Variants in SYNRG observed in about 807,000 individuals in gnomAD.
The protein encoded by SYNRG is AP1 gamma subunit binding protein 1.
A neutral mutation model predicts 130.9 loss-of-function variants in SYNRG; 37 were observed. That is an observed-to-expected ratio of 0.28 (90% CI 0.22 to 0.37). The LOEUF is 0.37. SYNRG is among the 10% of genes least tolerant of loss of function. The pLI is 1.00. For missense variants in SYNRG, 1,338 were observed against 1,588.9 expected, an observed-to-expected ratio of 0.84 and a Z score of 2.68; for synonymous variants, 539 against 568.1, an observed-to-expected ratio of 0.95 and a Z score of 0.73.
At chr17:37,600,739 G>A in intron 1 of SYNRG, 1 of 395,168 alleles carries the variant, frequency 2.5e-6, no homozygotes. Flanking sequence ...TCAACTACAT[G>A]AAATGATGGA....
intron 1 of SYNRG, among the ~76,000 whole-genome samples, chr17:37,606,502 T>C (rs924539764): frequency 3.3e-5 from 5 of 152,256 alleles, no homozygotes; most frequent in African/African-American, 1.2e-4. Flanking sequence ...GTACCACAGT[T>C]ATTTTGTACA....
chr17:37,562,600 A>C (rs1394806171), intron 11 of SYNRG, among the ~76,000 whole-genome samples: 1 of 152,226 alleles, frequency 6.6e-6, no homozygotes, highest in East Asian at 1.9e-4. Flanking sequence ...GCTTACAAGC[A>C]AGGTAAAAAC....
intron 13 of SYNRG, among the ~76,000 whole-genome samples, chr17:37,558,370 A>G (rs895290487): frequency 3.9e-5 from 6 of 152,358 alleles, no homozygotes; most frequent in Admixed American, 3.9e-4. Flanking sequence ...ACGTAAAGAT[A>G]GAATGTGGTA....
chr17:37,595,178 G>A (rs1411559281), intron 3 of SYNRG, among the ~76,000 whole-genome samples: 1 of 152,104 alleles, frequency 6.6e-6, no homozygotes, highest in East Asian at 1.9e-4. Context: ...AATGACACTG[G>A]AAGTTTTCCT....
At chr17:37,553,001 A>G in intron 14 of SYNRG, 114 bp downstream of exon 14, 1 of 927,556 alleles carries the variant, frequency 1.1e-6, no homozygotes, top group Non-Finnish European at 1.6e-6. Flanking sequence ...GAGGTTGATT[A>G]TTAGAGATTC....
chr17:37,520,740 C>T, intron 19 of SYNRG, 92 bp from the exon 20 acceptor site: 1 of 1,011,082 alleles, frequency 9.9e-7, no homozygotes, highest in Non-Finnish European at 1.5e-6. Context: ...GCAGGCCTAG[C>T]GGCAAGTACA....
At chr17:37,550,863 C>A (rs1329054612) in intron 14 of SYNRG, among the ~76,000 whole-genome samples, 1 of 152,192 alleles carries the variant, frequency 6.6e-6, no homozygotes, top group Non-Finnish European at 1.5e-5. Context: ...ATTTTAATGA[C>A]TGCACGTCAA....
chr17:37,544,147 G>A (rs8081295), intron 14 of SYNRG, among the ~76,000 whole-genome samples: 9 of 152,054 alleles, frequency 5.9e-5, no homozygotes, highest in African/African-American at 2.2e-4. Context: ...GGTGCTAAGT[G>A]AATAATAAAA....
At chr17:37,599,172 A>G (rs1202073784) in intron 2 of SYNRG, among the ~76,000 whole-genome samples, 5 of 152,184 alleles carry the variant, frequency 3.3e-5, no homozygotes. Context: ...GCTTTTTAAG[A>G]AGAGCCAGTT....
At chr17:37,532,671 C>CAAA (rs56982337) in intron 19 of SYNRG, among the ~76,000 whole-genome samples, 1,971 of 78,844 alleles carry the variant, frequency 0.025, 52 homozygotes, top group Non-Finnish European at 0.035. Context: ...AGATCTGTCT[C>CAAA]AAAAAAAAAA....
chr17:37,585,341 C>T lies in SYNRG; in HGVS notation c.461G>A (p.Ser154Asn). 1 of 1,613,864 alleles carries T rather than the reference C, an allele frequency of 6.2e-7. No individual in the cohort carries two copies. The highest frequency in any genetic ancestry group is 8.5e-7 in the Non-Finnish European group (1 of 1,179,910). Residue 154 changes from serine to asparagine, a missense_variant, in exon 5 of 22, where the codon AGC (serine) becomes AAC (asparagine). This residue lies in a region of SYNRG where 184 missense variants were observed against 217.2 expected (regional missense o/e 0.85). Coordinates refer to ENST00000612223, the MANE Select transcript of SYNRG (RefSeq NM_007247.6). ...EEQKQKLRLLSSVKPKTGEKS... is the reference protein window; with the variant it reads ...EEQKQKLRLLNSVKPKTGEKS... ...AAATACTACCTTGGGTTTCACACTG[C>T]TCAAAAGTCTGAGCTTTTGCTTCTG...
chr17:37,583,848 C>T (rs896706350), intron 6 of SYNRG, among the ~76,000 whole-genome samples: 4 of 152,110 alleles, frequency 2.6e-5, no homozygotes, highest in African/African-American at 4.8e-5. Flanking sequence ...GCATGCACAA[C>T]CATGCCCAGC....
intron 20 of SYNRG, 144 bp downstream of exon 20, chr17:37,520,394 T>C: frequency 9.4e-7 from 1 of 1,058,772 alleles, no homozygotes; most frequent in Non-Finnish European, 1.4e-6. Flanking sequence ...CGAGGGAATG[T>C]GTCTGCTCCT....
At chr17:37,524,898 T>A (rs1242999256) in intron 19 of SYNRG, among the ~76,000 whole-genome samples, 1 of 152,218 alleles carries the variant, frequency 6.6e-6, no homozygotes, top group Admixed American at 6.5e-5. Context: ...CAGGGCTATT[T>A]GAGAAATAAT....
chr17:37,561,333 G>T, intron 12 of SYNRG, 76 bp from the exon 13 acceptor site: 2 of 1,530,838 alleles, frequency 1.3e-6, no homozygotes, highest in Middle Eastern at 1.7e-4. Flanking sequence ...AGGCAGATTG[G>T]TTTAACCAAA....
In SYNRG at chr17:37,568,788, T is replaced by C. The variant is rs928337300; in HGVS notation, c.1481+3A>G. On this transcript the variant is annotated splice_donor_region_variant and intron_variant, in intron 11 of 21. Coordinates refer to ENST00000612223, the MANE Select transcript of SYNRG (RefSeq NM_007247.6). ...ATGTTAAATATATTAAACTCTTTTC[T>C]ACCTGTTTCCATGCTGGGAGTTACT... is the stretch of plus-strand genomic sequence containing the variant. 5.0e-6 allele frequency: 8 copies of C among 1,613,478 alleles called. No individual in the cohort carries two copies. The highest frequency in any genetic ancestry group is 1.7e-5 in the Admixed American group (1 of 59,914).
rs2057670056 is a variant in SYNRG at position 37,540,649 on chromosome 17, T to C, written c.3203-106A>G. ...CCTCTTCTTTTTTTTTTTTTTTTTT[T>C]TTTGAGACAGATTCTTGCTCTGTCG... On this transcript the variant is annotated intron_variant, in intron 15 of 21. Transcript: ENST00000612223. 42 of 1,280,532 alleles carry C rather than the reference T, an allele frequency of 3.3e-5. 1 individual carries two copies. In the Middle Eastern group the frequency reaches 6.4e-4, roughly 19 times the overall value. The allele number at this position is 1,280,532 out of a possible 1,614,324, so 79.3% of individuals were successfully genotyped here.
intron 10 of SYNRG, among the ~76,000 whole-genome samples, chr17:37,569,230 C>A (rs192217830): frequency 6.6e-6 from 1 of 152,226 alleles, no homozygotes; most frequent in African/African-American, 2.4e-5. Flanking sequence ...GCTAACATGG[C>A]GAAACGCCAT....
At chr17:37,526,431 G>A (rs1264467734) in intron 19 of SYNRG, among the ~76,000 whole-genome samples, 1 of 152,152 alleles carries the variant, frequency 6.6e-6, no homozygotes, top group Non-Finnish European at 1.5e-5. Flanking sequence ...GGTTCCATAG[G>A]CAATTATAAA....
Sources: allele counts gnomAD v4.1 joint callset (sites outside exome capture counted in the v4.1 genomes callset), GRCh38; gene constraint gnomAD v4.1.1; regional missense constraint gnomAD v4.1.1; transcripts MANE v1.5; gene names NCBI Gene and HGNC (gene_info 2026-07-23, HGNC 2026-07-21).